The following CNTNAP2 variants were observed in gnomAD, a reference collection of about 807,000 sequenced individuals.
CNTNAP2 encodes the protein contactin associated protein 2.
A neutral mutation model predicts 155.2 loss-of-function variants in CNTNAP2; 98 were observed. That is an observed-to-expected ratio of 0.63 (90% CI 0.54 to 0.75). CNTNAP2 has a LOEUF of 0.75. Ranked by LOEUF, CNTNAP2 falls within the 30% of genes least tolerant of loss-of-function variation. The probability of loss-of-function intolerance (pLI) is 0.00; values close to 1 mark genes in which losing one functional copy is unlikely to be tolerated. For synonymous variants in CNTNAP2, 651 were observed against 631.2 expected (o/e 1.03, Z -0.47); for missense variants, 1,727 against 1,688.1 (o/e 1.02, Z -0.40).
intron 14 of CNTNAP2, among the ~76,000 whole-genome samples, chr7:147,945,315 A>AT (rs1800799197): frequency 6.6e-6 from 1 of 152,290 alleles, no homozygotes; most frequent in African/African-American, 2.4e-5. Flanking sequence ...GGAAGATGTG[A>AT]TTTTTTTAAA....
intron 11 of CNTNAP2, among the ~76,000 whole-genome samples, chr7:147,490,443 C>T (rs776791875): frequency 7.2e-5 from 11 of 152,236 alleles, no homozygotes; most frequent in East Asian, 1.9e-4. Flanking sequence ...TTACAGCACA[C>T]GTGAGAGGCG....
chr7:147,612,424 A>G lies in CNTNAP2; in HGVS notation c.1898-26682A>G, dbSNP rs552333474. ...TTCTTTTTTTTTTTTTTTTTCTGAG[A>G]CGGAGTCTTTCTGTTGCCCAGGCTA... On this transcript the variant is annotated intron_variant, in intron 12 of 23. Transcript: ENST00000361727. Among the ~76,000 whole-genome samples the G allele has an allele frequency of 4.9e-5, 7 of 144,024 alleles. No homozygotes were observed. In the South Asian group the frequency reaches 1.5e-3, roughly 31 times the overall value. 94.5% of individuals were successfully genotyped at this position (144,024 alleles called of 152,430 possible).
chr7:146,138,122 C>T (rs577788814), intron 1 of CNTNAP2, among the ~76,000 whole-genome samples: 3 of 152,146 alleles, frequency 2.0e-5, no homozygotes, highest in South Asian at 2.1e-4. Flanking sequence ...CATTCTCAAG[C>T]TCTAAAACTA....
chr7:147,683,713 T>C (rs1396470947), intron 13 of CNTNAP2, among the ~76,000 whole-genome samples: 2 of 149,368 alleles, frequency 1.3e-5, no homozygotes, highest in Non-Finnish European at 1.5e-5. Context: ...CTCAACTTGT[T>C]ATGTACACAC....
chr7:147,320,501 G>A (rs907841020), intron 9 of CNTNAP2, among the ~76,000 whole-genome samples: 11 of 152,150 alleles, frequency 7.2e-5, no homozygotes, highest in Non-Finnish European at 1.6e-4. Context: ...ACATTTTTAT[G>A]TTCCTTCAAG....
At chr7:147,503,702 T>TAA (rs1436271020) in intron 11 of CNTNAP2, among the ~76,000 whole-genome samples, 1 of 151,996 alleles carries the variant, frequency 6.6e-6, no homozygotes, top group African/African-American at 2.4e-5. Context: ...AAAAAATATT[T>TAA]TTGACAGCAA....
At chr7:147,860,651 A>G (rs1799120603) in intron 13 of CNTNAP2, among the ~76,000 whole-genome samples, 1 of 151,332 alleles carries the variant, frequency 6.6e-6, no homozygotes, top group Admixed American at 6.6e-5. Context: ...TCCTGCCACC[A>G]TGTAAGACAT....
chr7:147,300,445 A>C (rs949084132), intron 9 of CNTNAP2, among the ~76,000 whole-genome samples, 155 bp downstream of exon 9: 8 of 152,248 alleles, frequency 5.3e-5, no homozygotes, highest in Non-Finnish European at 2.9e-5. Flanking sequence ...CAAAAAAAGA[A>C]AAGGAAAAAT....
At chr7:148,127,896 G>A (rs1804747445) in intron 16 of CNTNAP2, among the ~76,000 whole-genome samples, 1 of 152,130 alleles carries the variant, frequency 6.6e-6, no homozygotes, top group Admixed American at 6.5e-5. Flanking sequence ...TTTAGAGGCA[G>A]GGCCTCTCTG....
chr7:148,042,730 C>T (rs770108867), intron 15 of CNTNAP2, among the ~76,000 whole-genome samples: 4 of 152,222 alleles, frequency 2.6e-5, no homozygotes, highest in African/African-American at 4.8e-5. Context: ...AGGCTGTTCG[C>T]TGTTTACCTC....
chr7:146,151,635 G>GATATATATATATATGTAT (rs1798039535), intron 1 of CNTNAP2, among the ~76,000 whole-genome samples: 1 of 36,406 alleles, frequency 2.7e-5, no homozygotes, highest in Non-Finnish European at 5.4e-5. Context: ...AAGAAAACGT[G>GATATATATATATATGTAT]ATATATATAT....
chr7:146,642,603 G>A (rs1394677135), intron 1 of CNTNAP2, among the ~76,000 whole-genome samples: 2 of 151,468 alleles, frequency 1.3e-5, no homozygotes, highest in East Asian at 1.9e-4. Flanking sequence ...ATTGTGAATA[G>A]TGCCGCAATA....
At chr7:148,312,629 T>G (rs1797614394) in intron 21 of CNTNAP2, among the ~76,000 whole-genome samples, 1 of 152,158 alleles carries the variant, frequency 6.6e-6, no homozygotes, top group South Asian at 2.1e-4. Context: ...CAAAACAATT[T>G]GGTTGATAAG....
intron 1 of CNTNAP2, among the ~76,000 whole-genome samples, chr7:146,621,948 A>G (rs1362746273): frequency 3.9e-5 from 6 of 152,124 alleles, no homozygotes; most frequent in Non-Finnish European, 8.8e-5. Flanking sequence ...TGATTTTATC[A>G]TAATTTGGAT....
At chr7:147,232,640 A>G (rs1327880876) in intron 8 of CNTNAP2, among the ~76,000 whole-genome samples, 1 of 152,216 alleles carries the variant, frequency 6.6e-6, no homozygotes, top group Non-Finnish European at 1.5e-5. Context: ...TATGTAAAAG[A>G]ATAAAATTAG....
chr7:148,117,607 A>C (rs2116607411), intron 15 of CNTNAP2, among the ~76,000 whole-genome samples: 1 of 152,230 alleles, frequency 6.6e-6, no homozygotes, highest in Admixed American at 6.5e-5. Context: ...TTTATCTCAG[A>C]TGCTGCTTGC....
intron 13 of CNTNAP2, among the ~76,000 whole-genome samples, chr7:147,869,298 G>A: frequency 6.6e-6 from 1 of 152,236 alleles, no homozygotes. Flanking sequence ...GTCTATTAAA[G>A]TGCATATCGA....
chr7:148,405,363 C>T (rs965025854), intron 22 of CNTNAP2, among the ~76,000 whole-genome samples: 5 of 150,538 alleles, frequency 3.3e-5, no homozygotes, highest in African/African-American at 7.4e-5. Context: ...CCACTATCTC[C>T]GTATGTTCTG....
At chr7:146,776,991 CAGGT>C (rs981543957) in intron 2 of CNTNAP2, among the ~76,000 whole-genome samples, 3 of 152,004 alleles carry the variant, frequency 2.0e-5, no homozygotes, top group East Asian at 1.9e-4. Context: ...AGATGATTGA[CAGGT>C]AGGTAGGTAG....
Sources: allele counts gnomAD v4.1 joint callset (sites outside exome capture counted in the v4.1 genomes callset), GRCh38; gene constraint gnomAD v4.1.1; transcripts MANE v1.5; gene names NCBI Gene and HGNC (gene_info 2026-07-23, HGNC 2026-07-21).